ARL8B: variants seen among roughly 807,000 people sequenced by gnomAD.
ARL8B encodes ARF like GTPase 8B.
In ARL8B, 9 loss-of-function variants were observed where a neutral mutation model predicts 30.6. The ratio of observed to expected loss-of-function variants is 0.29; its 90% CI spans 0.18 to 0.51. The LOEUF (loss-of-function observed/expected upper bound fraction) is 0.51. Among genes scored for constraint, ARL8B ranks in the 20% least tolerant of loss-of-function variants. The pLI is 0.97. For missense variants in ARL8B, 130 were observed against 227.2 expected (o/e 0.57, Z 2.75); for synonymous variants, 74 against 76.0 (o/e 0.97, Z 0.14).
intron 1 of ARL8B, among the ~76,000 whole-genome samples, chr3:5,159,976 A>C (rs2054567482): frequency 6.6e-6 from 1 of 152,210 alleles, no homozygotes. Flanking sequence ...CCAGGACAAT[A>C]GTATCAAGGC....
At chr3:5,160,176 A>G (rs1032527737) in intron 1 of ARL8B, among the ~76,000 whole-genome samples, 1 of 152,240 alleles carries the variant, frequency 6.6e-6, no homozygotes. Flanking sequence ...CAAGTTGACA[A>G]AAAGTGTTAT....
In ARL8B at chr3:5,179,712, TAAA is replaced by T. The variant is rs2054761917; in HGVS notation, c.*1003_*1005del. On this transcript the variant is annotated 3_prime_UTR_variant, in exon 7 of 7. Coordinates refer to ENST00000256496, the MANE Select transcript of ARL8B (RefSeq NM_018184.3). Reference sequence around the variant, plus strand: ...AGCACAAAAGATACTTATAAACAAATAAAAAATTTTTATTTTTCTCTCTTACTG... The same window carrying T: ...AGCACAAAAGATACTTATAAACAAATAAATTTTTATTTTTCTCTCTTACTG... The T allele has an allele frequency of 1.3e-5, 2 of 152,526 alleles. No homozygotes were observed. Among genetic ancestry groups the T allele is most frequent in the Admixed American group, 1.3e-4 (2 of 15,272 alleles). 9.4% of individuals were successfully genotyped at this position (152,526 alleles called of 1,614,324 possible).
intron 1 of ARL8B, among the ~76,000 whole-genome samples, chr3:5,155,853 TG>T (rs144574057): frequency 0.29 from 42,929 of 148,432 alleles, 7,095 homozygotes; most frequent in African/African-American, 0.47. Flanking sequence ...GTTTTTTTTT[TG>T]TTGTTGTTGT....
intron 1 of ARL8B, among the ~76,000 whole-genome samples, chr3:5,166,652 TTAGTAAAG>T (rs996073696): frequency 1.4e-4 from 22 of 152,296 alleles, no homozygotes; most frequent in African/African-American, 5.3e-4. Flanking sequence ...TAAGATATCT[TTAGTAAAG>T]TGTCCTTTCA....
intron 1 of ARL8B, among the ~76,000 whole-genome samples, chr3:5,161,844 A>G (rs148096915): frequency 5.3e-4 from 81 of 152,242 alleles, no homozygotes; most frequent in Middle Eastern, 3.4e-3. Context: ...TGGATACTCA[A>G]TCACCTCATA....
In ARL8B at chr3:5,172,654, ATAGATGC is replaced by A; in HGVS notation, c.288_294del (p.Ile96MetfsTer7). 1 of 1,610,922 alleles carries A rather than the reference ATAGATGC, an allele frequency of 6.2e-7. No homozygotes were observed. Among genetic ancestry groups the A allele is most frequent in the Non-Finnish European group, 8.5e-7 (1 of 1,177,882 alleles). On this transcript the variant is annotated frameshift_variant, in exon 4 of 7. Transcript: ENST00000256496. LOFTEE classifies it high-confidence loss of function. ...TCACTTCATTTTTTTAAGTTACATG[ATAGATGC>A]TGCAGATCGTGAAAAGATAGAAGCT...
chr3:5,174,323 T>C (rs1044429783), intron 5 of ARL8B, 21 bp from the exon 6 acceptor site: 1 of 1,532,626 alleles, frequency 6.5e-7, no homozygotes, highest in South Asian at 1.1e-5. Flanking sequence ...CACAGACTTA[T>C]CCTTTTAATT....
chr3:5,178,350 CTTT>C (rs376669879), intron 6 of ARL8B, among the ~76,000 whole-genome samples: 11 of 115,292 alleles, frequency 9.5e-5, no homozygotes, highest in Non-Finnish European at 1.1e-4. Flanking sequence ...GGGGTTATTC[CTTT>C]TTTTTTTTTT....
At chr3:5,174,620 T>A (rs919990613) in intron 6 of ARL8B, among the ~76,000 whole-genome samples, 1 of 148,278 alleles carries the variant, frequency 6.7e-6, no homozygotes, top group East Asian at 1.9e-4. Flanking sequence ...TCTTTGAAAT[T>A]GCAATGTTAT....
intron 6 of ARL8B, among the ~76,000 whole-genome samples, chr3:5,174,748 T>C (rs1470311923): frequency 7.0e-6 from 1 of 141,972 alleles, no homozygotes; most frequent in Non-Finnish European, 1.5e-5. Context: ...ATGTAATATA[T>C]AATATATATA....
At chr3:5,161,435 A>G (rs1487439799) in intron 1 of ARL8B, among the ~76,000 whole-genome samples, 2 of 152,194 alleles carry the variant, frequency 1.3e-5, no homozygotes, top group African/African-American at 4.8e-5. Context: ...GTTTGCAAAA[A>G]ACAGCACAGC....
At chr3:5,142,966 C>A (rs1397715983) in intron 1 of ARL8B, among the ~76,000 whole-genome samples, 1 of 152,200 alleles carries the variant, frequency 6.6e-6, no homozygotes, top group Non-Finnish European at 1.5e-5. Context: ...CTCGGAGTTA[C>A]CCACCCCGTG....
intron 2 of ARL8B, 64 bp downstream of exon 2, chr3:5,170,647 T>A: frequency 8.0e-7 from 1 of 1,252,644 alleles, no homozygotes; most frequent in Non-Finnish European, 1.1e-6. Flanking sequence ...ATTTTTCTGT[T>A]AAATTTCTGT....
rs141649171 is a variant in ARL8B, at chr3:5,122,582, C to G, written c.117C>G (p.Val39=). The change falls in exon 1 of 7, where the codon GTC becomes GTG. Residue 39 remains valine (V), a synonymous_variant. Coordinates refer to ENST00000256496, the MANE Select transcript of ARL8B (RefSeq NM_018184.3). ...QYSGKTTFVN[V]IASGQFSEDM... ...CGGGCAAGACCACCTTCGTCAATGT[C>G]ATCGCGGTGAGCGCCCGCCCACTCA... is the stretch of plus-strand genomic sequence containing the variant. The G allele has an allele frequency of 4.4e-6, 7 of 1,600,124 alleles. No homozygotes were observed. The African/African-American group carries it at 8.1e-5, about 18-fold the overall frequency.
At chr3:5,146,630 A>G (rs1191944947) in intron 1 of ARL8B, among the ~76,000 whole-genome samples, 5 of 152,118 alleles carry the variant, frequency 3.3e-5, no homozygotes, top group African/African-American at 9.7e-5. Context: ...TAGGAGGCCC[A>G]TTATGACTTT....
chr3:5,150,664 T>C (rs2106562286), intron 1 of ARL8B, among the ~76,000 whole-genome samples: 1 of 152,048 alleles, frequency 6.6e-6, no homozygotes, highest in Admixed American at 6.5e-5. Context: ...ATGCCTGTAA[T>C]CCCAGCTACT....
At chr3:5,130,192 A>ATTT (rs113050159) in intron 1 of ARL8B, among the ~76,000 whole-genome samples, 1 of 100,608 alleles carries the variant, frequency 9.9e-6, no homozygotes, top group Non-Finnish European at 2.1e-5. Context: ...AAAAAAATAT[A>ATTT]TATTTTTTTT....
chr3:5,163,397 A>G (rs1223669531), intron 1 of ARL8B, among the ~76,000 whole-genome samples: 1 of 152,230 alleles, frequency 6.6e-6, no homozygotes, highest in Non-Finnish European at 1.5e-5. Context: ...GGAAGGAATT[A>G]TGTCTGTGGT....
intron 1 of ARL8B, chr3:5,157,906 G>GAGAAGGGAACTAGAA (rs1299174897): frequency 1.3e-5 from 2 of 152,094 alleles, no homozygotes; most frequent in African/African-American, 4.8e-5. Flanking sequence ...GATAGATTGT[G>GAGAAGGGAACTAGAA]CTTCAAGTTC....
Sources: allele counts gnomAD v4.1 joint callset (sites outside exome capture counted in the v4.1 genomes callset), GRCh38; gene constraint gnomAD v4.1.1; transcripts MANE v1.5; gene names NCBI Gene and HGNC (gene_info 2026-07-23, HGNC 2026-07-21).